TRPM6: variants seen among roughly 807,000 people sequenced by gnomAD.
The protein encoded by TRPM6 is transient receptor potential cation channel subfamily M member 6, also known as channel kinase 2.
TRPM6 carries 111 observed loss-of-function variants against 247.6 expected under a neutral mutation model. That is an observed-to-expected ratio of 0.45 (90% CI 0.38 to 0.52). The LOEUF is 0.52. Ranked by LOEUF, TRPM6 falls within the 20% of genes least tolerant of loss-of-function variation. TRPM6 has a pLI of 0.00. For synonymous variants in TRPM6, 892 were observed against 853.8 expected (o/e 1.04, Z -0.78); for missense variants, 2,126 against 2,421.5 (o/e 0.88, Z 2.56).
intron 35 of TRPM6, 98 bp from the exon 36 acceptor site, chr9:74,738,710 G>A (rs923037317): frequency 9.9e-7 from 1 of 1,005,596 alleles, no homozygotes; most frequent in African/African-American, 1.6e-5. Context: ...CCTAACTCTG[G>A]TATGATGCAG....
intron 33 of TRPM6, among the ~76,000 whole-genome samples, chr9:74,741,253 C>A (rs1825853933): frequency 6.6e-6 from 1 of 152,032 alleles, no homozygotes; most frequent in Admixed American, 6.6e-5. Context: ...AACAGAGCAA[C>A]ATAATCTATA....
intron 14 of TRPM6, among the ~76,000 whole-genome samples, chr9:74,807,531 T>C (rs1828567705): frequency 6.6e-6 from 1 of 152,296 alleles, no homozygotes; most frequent in South Asian, 2.1e-4. Flanking sequence ...AAAACTATCA[T>C]GGAAAATAAA....
chr9:74,792,888 G>T, intron 18 of TRPM6, 118 bp from the exon 19 acceptor site: 1 of 999,346 alleles, frequency 1.0e-6, no homozygotes, highest in Non-Finnish European at 1.5e-6. Context: ...TGGGGGCGGT[G>T]GCTCACACCT....
At chr9:74,818,974 C>T (rs1829049229) in intron 9 of TRPM6, among the ~76,000 whole-genome samples, 3 of 152,056 alleles carry the variant, frequency 2.0e-5, no homozygotes, top group African/African-American at 7.2e-5. Flanking sequence ...TGTATATTTA[C>T]TGTAATTGTC....
chr9:74,812,472 GA>G, intron 11 of TRPM6, 39 bp from the exon 12 acceptor site: 1 of 1,551,688 alleles, frequency 6.4e-7, no homozygotes, highest in Non-Finnish European at 8.8e-7. Flanking sequence ...AGACAATTAA[GA>G]AAGTAGAAAT....
At chr9:74,790,959 ACT>A (rs1246940558) in intron 19 of TRPM6, among the ~76,000 whole-genome samples, 8 of 151,804 alleles carry the variant, frequency 5.3e-5, no homozygotes, top group Non-Finnish European at 8.8e-5. Context: ...AGCACTAAAC[ACT>A]CTGGACATTG....
intron 1 of TRPM6, among the ~76,000 whole-genome samples, chr9:74,874,919 C>G (rs984222979): frequency 6.9e-6 from 1 of 144,212 alleles, no homozygotes; most frequent in African/African-American, 2.5e-5. Context: ...CCATGCCCAG[C>G]TAATTTTTTT....
intron 38 of TRPM6, among the ~76,000 whole-genome samples, chr9:74,725,351 C>A (rs1825279377): frequency 6.6e-6 from 1 of 151,852 alleles, no homozygotes; most frequent in Non-Finnish European, 1.5e-5. Flanking sequence ...ATTTGCTAGC[C>A]TAGAACATGT....
At chr9:74,728,126 T>A in intron 38 of TRPM6, 113 bp downstream of exon 38, 4 of 862,322 alleles carry the variant, frequency 4.6e-6, no homozygotes. Flanking sequence ...GCTCTGCGAA[T>A]GACGGTGAAT....
chr9:74,730,204 A>C (rs926141216), intron 37 of TRPM6, among the ~76,000 whole-genome samples: 4 of 152,236 alleles, frequency 2.6e-5, no homozygotes, highest in Admixed American at 2.6e-4. Context: ...AACGCTAATT[A>C]GTGCCATCTA....
rs1171283207 is a variant in TRPM6, at chr9:74,722,545, A to C, written c.*2068T>G. On this transcript the variant is annotated 3_prime_UTR_variant, in exon 39 of 39. Coordinates refer to ENST00000360774, the MANE Select transcript of TRPM6 (RefSeq NM_017662.5). ...CTTTCAAGTTCCATTCCAGGTAACA[A>C]ATATTTGACCAATGAACTGATGTCT... The C allele has an allele frequency of 6.6e-6, 1 of 152,222 alleles. No homozygotes were observed. Among genetic ancestry groups the C allele is most frequent in the Non-Finnish European group, 1.5e-5 (1 of 68,040 alleles). 9.4% of individuals were successfully genotyped at this position (152,222 alleles called of 1,614,324 possible).
intron 24 of TRPM6, among the ~76,000 whole-genome samples, chr9:74,774,967 C>T (rs929590094): frequency 3.3e-5 from 5 of 152,150 alleles, no homozygotes; most frequent in Admixed American, 2.0e-4. Flanking sequence ...AAGAGGATTG[C>T]GCATTTATGC....
chr9:74,885,606 GTGA>G (rs959734391), intron 1 of TRPM6, among the ~76,000 whole-genome samples: 10 of 152,302 alleles, frequency 6.6e-5, no homozygotes, highest in African/African-American at 2.2e-4. Flanking sequence ...TTACCTAACA[GTGA>G]TGGATTTTAC....
At chr9:74,777,951 CT>C (rs1827283988) in intron 23 of TRPM6, among the ~76,000 whole-genome samples, 1 of 152,208 alleles carries the variant, frequency 6.6e-6, no homozygotes, top group Admixed American at 6.5e-5. Flanking sequence ...AAAGGTCACT[CT>C]TTTCTCTTTA....
At chr9:74,804,469 C>A in intron 14 of TRPM6, 2 of 636,700 alleles carry the variant, frequency 3.1e-6, no homozygotes, top group East Asian at 2.8e-5. Flanking sequence ...ATGATAAAAA[C>A]CATAAGCTTG....
At chr9:74,820,783 G>A (rs1829108526) in intron 8 of TRPM6, among the ~76,000 whole-genome samples, 1 of 152,148 alleles carries the variant, frequency 6.6e-6, no homozygotes, top group African/African-American at 2.4e-5. Context: ...GGGTTGATCT[G>A]CCACATCCTG....
At chr9:74,857,680 C>T (rs1433150752) in intron 2 of TRPM6, 1 of 152,188 alleles carries the variant, frequency 6.6e-6, no homozygotes, top group East Asian at 1.9e-4. Flanking sequence ...TATGGGCGCT[C>T]ACTTCGGTAG....
intron 1 of TRPM6, among the ~76,000 whole-genome samples, chr9:74,862,545 A>G (rs931293936): frequency 6.6e-6 from 1 of 152,188 alleles, no homozygotes; most frequent in Non-Finnish European, 1.5e-5. Context: ...CAGGCTGGGG[A>G]ATTGCAAAGA....
intron 3 of TRPM6, among the ~76,000 whole-genome samples, chr9:74,844,506 C>T (rs949312548): frequency 1.3e-5 from 2 of 152,172 alleles, no homozygotes; most frequent in African/African-American, 4.8e-5. Flanking sequence ...ACCTCATGAA[C>T]CAACATCTGC....
Sources: allele counts gnomAD v4.1 joint callset (sites outside exome capture counted in the v4.1 genomes callset), GRCh38; gene constraint gnomAD v4.1.1; transcripts MANE v1.5; gene names NCBI Gene and HGNC (gene_info 2026-07-23, HGNC 2026-07-21).